Variants in SOX6 observed in about 807,000 individuals in gnomAD.
The protein encoded by SOX6 is SRY-box transcription factor 6, also known as transcription factor SOX-6.
Under a neutral mutation model 97.8 loss-of-function variants are expected in SOX6, and 11 were observed. The observed-to-expected ratio is 0.11, with a 90% CI of 0.07 to 0.19. SOX6 has a LOEUF of 0.19. Ranked by LOEUF, SOX6 falls within the 10% of genes least tolerant of loss-of-function variation. The pLI is 1.00. For missense variants in SOX6, 810 were observed against 1,039.5 expected (o/e 0.78, Z 3.04); for synonymous variants, 360 against 371.4 (o/e 0.97, Z 0.35).
At chr11:16,262,446 C>T (rs1323747107) in intron 3 of SOX6, among the ~76,000 whole-genome samples, 1 of 151,952 alleles carries the variant, frequency 6.6e-6, no homozygotes, top group East Asian at 1.9e-4. Context: ...GCTGAACAAA[C>T]GAAAATAGTG....
At chr11:16,187,723 T>G (rs1851519243) in intron 4 of SOX6, among the ~76,000 whole-genome samples, 1 of 152,192 alleles carries the variant, frequency 6.6e-6, no homozygotes, top group South Asian at 2.1e-4. Flanking sequence ...ATGATGTCGC[T>G]GAACACTTAT....
intron 6 of SOX6, among the ~76,000 whole-genome samples, chr11:16,166,651 C>A (rs1850894587): frequency 6.6e-6 from 1 of 152,166 alleles, no homozygotes; most frequent in East Asian, 1.9e-4. Flanking sequence ...TTAAAAGGCC[C>A]AAGGGACTGT....
intron 15 of SOX6, among the ~76,000 whole-genome samples, chr11:15,979,684 C>T (rs994780164): frequency 7.9e-5 from 12 of 152,176 alleles, no homozygotes; most frequent in Middle Eastern, 3.4e-3. Flanking sequence ...GGCACAATCT[C>T]GCCTCAAAAC....
chr11:16,428,155 TC>T (rs1375227724), intron 1 of SOX6, among the ~76,000 whole-genome samples: 2 of 152,136 alleles, frequency 1.3e-5, no homozygotes, highest in Admixed American at 1.3e-4. Context: ...TTGATATCCT[TC>T]GCCCACTTTT....
chr11:16,561,167 A>G (rs1005770305), intron 4 of SOX6, among the ~76,000 whole-genome samples: 1 of 152,096 alleles, frequency 6.6e-6, no homozygotes, highest in Non-Finnish European at 1.5e-5. Flanking sequence ...AAGGGGAGGA[A>G]TAAGAAAGGG....
intron 3 of SOX6, among the ~76,000 whole-genome samples, chr11:16,653,817 A>G (rs1237283218): frequency 1.3e-5 from 2 of 152,138 alleles, no homozygotes; most frequent in African/African-American, 4.8e-5. Context: ...ATTGCTGTCT[A>G]AAGTTTTACA....
chr11:16,559,864 CCT>C (rs1196688054), intron 4 of SOX6, among the ~76,000 whole-genome samples: 2 of 151,980 alleles, frequency 1.3e-5, no homozygotes, highest in Admixed American at 6.6e-5. Context: ...CTTTTGAACC[CCT>C]GATTTTCCTA....
chr11:16,100,955 AT>A (rs1848929988), intron 7 of SOX6, among the ~76,000 whole-genome samples: 1 of 151,660 alleles, frequency 6.6e-6, no homozygotes. Context: ...GGGACAAAAG[AT>A]TCTTCAGTCG....
chr11:16,509,999 T>G (rs1216356143), intron 4 of SOX6, among the ~76,000 whole-genome samples: 1 of 152,102 alleles, frequency 6.6e-6, no homozygotes, highest in Non-Finnish European at 1.5e-5. Flanking sequence ...TCATTTCAGT[T>G]AATCTTATAT....
At chr11:16,213,992 T>A (rs1031344623) in intron 4 of SOX6, among the ~76,000 whole-genome samples, 1 of 152,194 alleles carries the variant, frequency 6.6e-6, no homozygotes, top group Non-Finnish European at 1.5e-5. Context: ...TTATGGCTAT[T>A]ATAATATAGA....
At position 16,613,887 on chromosome 11, in the gene SOX6, C is replaced by G. The variant is rs1848433674; in HGVS notation, n.430-1627G>C. On this transcript the variant is annotated intron_variant and non_coding_transcript_variant, in intron 3 of 5. Transcript: ENST00000524520. The surrounding 1 kb of genome is among the most constrained non-coding windows in gnomAD (Gnocchi z 4.6). ...GCTGTAGAGACGAACCCAGCTGACA[C>G]TGGCCCAGCAGCCTTGGCGACCTCC... is the stretch of plus-strand genomic sequence containing the variant. Among the ~76,000 whole-genome samples the G allele has an allele frequency of 6.6e-6, 1 of 152,176 alleles. No individual in the cohort carries two copies. Among genetic ancestry groups the G allele is most frequent in the Admixed American group, 6.5e-5 (1 of 15,282 alleles).
chr11:15,982,003 C>T (rs2119817180), intron 15 of SOX6, among the ~76,000 whole-genome samples: 1 of 151,902 alleles, frequency 6.6e-6, no homozygotes, highest in Non-Finnish European at 1.5e-5. Flanking sequence ...TTAAATGTTT[C>T]CCAAGGGCAA....
At chr11:16,149,311 T>A (rs545971857) in intron 6 of SOX6, among the ~76,000 whole-genome samples, 3 of 152,232 alleles carry the variant, frequency 2.0e-5, no homozygotes, top group East Asian at 3.9e-4. Flanking sequence ...CGGCCTACTG[T>A]AGGCTCTACA....
chr11:16,396,061 C>T (rs1465476556), intron 1 of SOX6, among the ~76,000 whole-genome samples: 2 of 151,644 alleles, frequency 1.3e-5, no homozygotes, highest in South Asian at 2.1e-4. Flanking sequence ...GATCTCCCCT[C>T]TTATACGTTT....
intron 4 of SOX6, among the ~76,000 whole-genome samples, chr11:16,191,451 T>A (rs1300036712): frequency 1.3e-5 from 2 of 152,022 alleles, no homozygotes; most frequent in Non-Finnish European, 2.9e-5. Context: ...GAAGAGACTA[T>A]CTCTCAAAAA....
chr11:16,064,523 T>C (rs977349878), intron 9 of SOX6, among the ~76,000 whole-genome samples: 3 of 136,560 alleles, frequency 2.2e-5, no homozygotes, highest in African/African-American at 1.1e-4. Flanking sequence ...GCCATACATA[T>C]ATATATATAT....
At chr11:16,480,983 C>G (rs1860335013), upstream of SOX6, among the ~76,000 whole-genome samples, 1 of 152,014 alleles carries the variant, frequency 6.6e-6, no homozygotes, top group African/African-American at 2.4e-5. Flanking sequence ...ATATCGATGC[C>G]TGGTCTTTTA....
chr11:16,653,433 G>A (rs901492854), intron 3 of SOX6, among the ~76,000 whole-genome samples: 1 of 152,008 alleles, frequency 6.6e-6, no homozygotes, highest in African/African-American at 2.4e-5. Context: ...ATGGAATAAC[G>A]ACTTAGCCAA....
intron 3 of SOX6, among the ~76,000 whole-genome samples, chr11:16,614,492 A>G (rs1401384460): frequency 1.3e-5 from 2 of 152,206 alleles, no homozygotes; most frequent in African/African-American, 4.8e-5. Context: ...GTGTCTAACA[A>G]TGGATTAGGT....
Sources: allele counts gnomAD v4.1 joint callset (sites outside exome capture counted in the v4.1 genomes callset), GRCh38; gene constraint gnomAD v4.1.1; non-coding constraint Gnocchi (gnomAD v3.1); transcripts MANE v1.5; gene names NCBI Gene and HGNC (gene_info 2026-07-23, HGNC 2026-07-21).